Variants in DGKB observed in about 807,000 individuals in gnomAD.
The protein encoded by DGKB is diacylglycerol kinase beta.
DGKB carries 67 observed loss-of-function variants against 114.3 expected under a neutral mutation model. That is an observed-to-expected ratio of 0.59 (90% CI 0.48 to 0.72). The LOEUF (loss-of-function observed/expected upper bound fraction) is 0.72. DGKB is among the 30% of genes least tolerant of loss of function. The pLI is 0.00. For missense variants in DGKB, 907 were observed against 975.2 expected, an observed-to-expected ratio of 0.93 and a Z score of 0.93; for synonymous variants, 398 against 323.1, an observed-to-expected ratio of 1.23 and a Z score of -2.49.
intron 24 of DGKB, 24 bp from the exon 25 acceptor site, chr7:14,176,923 A>G (rs749548857): frequency 6.2e-7 from 1 of 1,612,812 alleles, no homozygotes; most frequent in Non-Finnish European, 8.5e-7. Flanking sequence ...TTTCATTGTA[A>G]GTATTGCAAG....
intron 3 of DGKB, among the ~76,000 whole-genome samples, chr7:14,754,280 A>T (rs1315425977): frequency 6.6e-6 from 1 of 152,178 alleles, no homozygotes; most frequent in East Asian, 1.9e-4. Context: ...TGACTAGATC[A>T]ATCTTTGTAT....
chr7:14,647,509 C>T (rs1000437613), intron 13 of DGKB, among the ~76,000 whole-genome samples: 13 of 152,262 alleles, frequency 8.5e-5, no homozygotes, highest in Admixed American at 2.0e-4. Flanking sequence ...GATAACAAAA[C>T]GAAACACAGA....
At chr7:14,469,780 A>C (rs1217196316) in intron 21 of DGKB, among the ~76,000 whole-genome samples, 4 of 152,036 alleles carry the variant, frequency 2.6e-5, no homozygotes, top group Non-Finnish European at 4.4e-5. Context: ...AAATTATTTT[A>C]AAAGCTTTAC....
chr7:14,273,891 T>C (rs1468772635), intron 23 of DGKB, among the ~76,000 whole-genome samples: 1 of 152,232 alleles, frequency 6.6e-6, no homozygotes, highest in African/African-American at 2.4e-5. Flanking sequence ...TTTCTCATTG[T>C]ACTAACAGAT....
intron 2 of DGKB, among the ~76,000 whole-genome samples, chr7:14,837,727 C>T (rs1031174364): frequency 7.9e-5 from 12 of 152,120 alleles, no homozygotes; most frequent in Non-Finnish European, 1.6e-4. Flanking sequence ...ATAAACTGAT[C>T]ATGCATATTG....
At chr7:14,399,348 TTTGAG>T (rs1470606697) in intron 21 of DGKB, among the ~76,000 whole-genome samples, 2 of 151,820 alleles carry the variant, frequency 1.3e-5, no homozygotes, top group African/African-American at 2.4e-5. Flanking sequence ...ACTTACCATA[TTTGAG>T]TTTTCAGTTA....
Position 14,908,782 on chromosome 7 carries a change from C to G in DGKB, c.-188+65914G>C, listed in dbSNP as rs1489141969. On this transcript the variant is annotated intron_variant, in intron 1 of 4. Coordinates refer to the DGKB transcript ENST00000437998. ...GAAAAATTTGTAACAGTAATGATAG[C>G]CTCATGCAGTATGCATCAAAATGCA... 2.6e-5 allele frequency among the ~76,000 whole-genome samples: 4 copies of G among 152,154 alleles called. No homozygotes were observed. In the South Asian group the frequency reaches 8.3e-4, roughly 32 times the overall value.
chr7:14,843,315 C>CTTTTTTTTTT (rs761304991), intron 1 of DGKB, among the ~76,000 whole-genome samples: 2 of 77,230 alleles, frequency 2.6e-5, no homozygotes, highest in Non-Finnish European at 4.5e-5. Flanking sequence ...ATTTTAATAA[C>CTTTTTTTTTT]TTTTTTTTTT....
rs146985407 is a variant in DGKB at position 14,220,468 on chromosome 7, C to CTA, written c.2123-42319_2123-42318dup. Among the ~76,000 whole-genome samples the CTA allele has an allele frequency of 5.7e-3, 851 of 149,572 alleles. 7 individuals carry two copies. The highest frequency in any genetic ancestry group is 7.6e-3 in the African/African-American group (312 of 41,068). On this transcript the variant is annotated intron_variant, in intron 23 of 25. Transcript: ENST00000402815. ...TTATTTATGGACTCCCAATTCTATGCTATATATATATATATGTCTATCCTT... is the reference window on the plus strand; with the variant it reads ...TTATTTATGGACTCCCAATTCTATGCTATATATATATATATATGTCTATCCTT...
chr7:14,758,374 A>C (rs1452379890), intron 2 of DGKB, among the ~76,000 whole-genome samples: 2 of 152,094 alleles, frequency 1.3e-5, no homozygotes. Flanking sequence ...AAAGTTAAAT[A>C]CATTAATATG....
At chr7:14,554,062 C>T (rs963505428) in intron 20 of DGKB, among the ~76,000 whole-genome samples, 5 of 151,590 alleles carry the variant, frequency 3.3e-5, no homozygotes, top group African/African-American at 9.7e-5. Context: ...TTAGTAGAGA[C>T]GGGGTTTCAC....
chr7:14,274,855 C>T (rs1798760588), intron 23 of DGKB, among the ~76,000 whole-genome samples: 2 of 151,984 alleles, frequency 1.3e-5, no homozygotes, highest in South Asian at 2.1e-4. Flanking sequence ...TTCATTACCT[C>T]TAAAAGGCCT....
At chr7:14,946,945 AGTTT>A (rs1191383138) in intron 1 of DGKB, among the ~76,000 whole-genome samples, 29 of 151,776 alleles carry the variant, frequency 1.9e-4, no homozygotes, top group South Asian at 2.1e-4. Flanking sequence ...AAAATGAAAT[AGTTT>A]ATTTATAACA....
intron 23 of DGKB, among the ~76,000 whole-genome samples, chr7:14,300,463 A>C (rs973727844): frequency 6.6e-6 from 1 of 152,156 alleles, no homozygotes; most frequent in African/African-American, 2.4e-5. Context: ...TGTTAAAATC[A>C]CCCAGTGTAT....
At chr7:14,438,203 T>C (rs1164121604) in intron 21 of DGKB, among the ~76,000 whole-genome samples, 1 of 152,040 alleles carries the variant, frequency 6.6e-6, no homozygotes, top group Non-Finnish European at 1.5e-5. Context: ...AACACTAGAA[T>C]AGTTAGGATT....
intron 2 of DGKB, among the ~76,000 whole-genome samples, chr7:14,824,714 TATGTAC>T (rs1845419568): frequency 1.3e-5 from 2 of 152,026 alleles, no homozygotes; most frequent in Admixed American, 6.6e-5. Flanking sequence ...ATGTGTTGTT[TATGTAC>T]ATTTACCCTT....
intron 21 of DGKB, among the ~76,000 whole-genome samples, chr7:14,410,982 C>T (rs569369923): frequency 6.4e-4 from 98 of 152,210 alleles, no homozygotes; most frequent in Admixed American, 2.4e-3. Flanking sequence ...TCAATAGAAA[C>T]CTTACTTGAA....
chr7:14,173,428 T>C (rs1259305339), intron 25 of DGKB, among the ~76,000 whole-genome samples: 1 of 152,192 alleles, frequency 6.6e-6, no homozygotes, highest in Non-Finnish European at 1.5e-5. Flanking sequence ...TGTGTCACCA[T>C]CACTACCCAC....
At chr7:14,371,816 A>G (rs1817703988) in intron 21 of DGKB, among the ~76,000 whole-genome samples, 2 of 152,168 alleles carry the variant, frequency 1.3e-5, no homozygotes, top group Admixed American at 1.3e-4. Context: ...GACATTACTT[A>G]GCAATGAGGG....
Sources: allele counts gnomAD v4.1 joint callset (sites outside exome capture counted in the v4.1 genomes callset), GRCh38; gene constraint gnomAD v4.1.1; transcripts MANE v1.5; gene names NCBI Gene and HGNC (gene_info 2026-07-23, HGNC 2026-07-21).